ALDH1L1: variants seen among roughly 807,000 people sequenced by gnomAD.
ALDH1L1 encodes the protein aldehyde dehydrogenase 1 family member L1, also known as cytosolic 10-formyltetrahydrofolate dehydrogenase.
Under a neutral mutation model 101.1 loss-of-function variants are expected in ALDH1L1, and 68 were observed. That is an observed-to-expected ratio of 0.67 (90% CI 0.55 to 0.82). ALDH1L1 has a LOEUF of 0.82. ALDH1L1 is among the 40% of genes least tolerant of loss of function. ALDH1L1 has a pLI of 0.00. For synonymous variants in ALDH1L1, 486 were observed against 470.8 expected (o/e 1.03, Z -0.42); for missense variants, 1,087 against 1,172.7 (o/e 0.93, Z 1.07).
chr3:126,135,121 G>A (rs1216472373), intron 12 of ALDH1L1: 2 of 155,422 alleles, frequency 1.3e-5, no homozygotes, highest in African/African-American at 2.4e-5. Flanking sequence ...GCCTGGCTGA[G>A]CAAGCAGAGA....
chr3:126,185,775 T>C (rs1195772771), upstream of ALDH1L1, among the ~76,000 whole-genome samples: 1 of 152,218 alleles, frequency 6.6e-6, no homozygotes, highest in Non-Finnish European at 1.5e-5. Context: ...AGCATTCCAG[T>C]AACTGATATT....
intron 9 of ALDH1L1, among the ~76,000 whole-genome samples, chr3:126,142,341 C>A (rs2080585075): frequency 6.6e-6 from 1 of 152,186 alleles, no homozygotes; most frequent in East Asian, 1.9e-4. Context: ...TCAACTCTGT[C>A]CATAAGGCCA....
chr3:126,111,281 G>C (rs1028055268), intron 19 of ALDH1L1, among the ~76,000 whole-genome samples: 3 of 152,258 alleles, frequency 2.0e-5, no homozygotes, highest in African/African-American at 7.2e-5. Context: ...AATGTTTCGT[G>C]CATTTCAAGA....
chr3:126,190,455 G>A (rs967243533), intron 1 of ALDH1L1, among the ~76,000 whole-genome samples: 7 of 152,170 alleles, frequency 4.6e-5, no homozygotes, highest in African/African-American at 1.4e-4. Flanking sequence ...AGGACCAAGT[G>A]GCTATCCAGG....
chr3:126,168,099 T>C (rs1338540544), intron 1 of ALDH1L1, among the ~76,000 whole-genome samples: 1 of 152,146 alleles, frequency 6.6e-6, no homozygotes, highest in Non-Finnish European at 1.5e-5. Context: ...TGAAGAATAA[T>C]AAATTGTCTT....
chr3:126,166,591 T>C (rs1490093882), intron 1 of ALDH1L1, among the ~76,000 whole-genome samples: 1 of 152,158 alleles, frequency 6.6e-6, no homozygotes, highest in East Asian at 1.9e-4. Flanking sequence ...TTATAGAAAC[T>C]TAACAATGTC....
At chr3:126,151,386 G>A (rs527921249) in intron 7 of ALDH1L1, 1 of 152,316 alleles carries the variant, frequency 6.6e-6, no homozygotes, top group South Asian at 2.1e-4. Flanking sequence ...GTCCCAGGTA[G>A]AGCCTGCGTC....
Position 126,154,657 on chromosome 3 carries a change from G to GGT in ALDH1L1, c.631-16_631-15dup. Reference sequence around the variant, plus strand: ...GTCCCAGTTGATCTGTGGGGAGCAAGGTGTGTGTGCTCAGCTGGTCTCTCC... The same window carrying GGT: ...GTCCCAGTTGATCTGTGGGGAGCAAGGTGTGTGTGTGCTCAGCTGGTCTCTCC... On this transcript the variant is annotated splice_polypyrimidine_tract_variant and intron_variant, in intron 5 of 22. Coordinates refer to ENST00000393434, the MANE Select transcript of ALDH1L1 (RefSeq NM_012190.4). 6.2e-7 allele frequency: 1 copy of GGT among 1,613,190 alleles called. No individual in the cohort carries two copies. Among genetic ancestry groups the GGT allele is most frequent in the Non-Finnish European group, 8.5e-7 (1 of 1,179,306 alleles).
At chr3:126,177,622 G>A (rs949512898) in intron 1 of ALDH1L1, among the ~76,000 whole-genome samples, 19 of 152,168 alleles carry the variant, frequency 1.2e-4, no homozygotes, top group Non-Finnish European at 2.9e-5. Flanking sequence ...CTATGATACT[G>A]TAACACTGGA....
rs551282903 is a variant in ALDH1L1 at position 126,114,416 on chromosome 3, A to G, written c.2082+141T>C. The G allele has an allele frequency of 2.2e-5, 13 of 586,768 alleles. No homozygotes were observed. The African/African-American group carries it at 2.3e-4, about 10-fold the overall frequency. The allele number at this position is 586,768 out of a possible 1,614,324, so 36.3% of individuals were successfully genotyped here. A position where few individuals can be genotyped will look rare whatever the true frequency, so the allele number is the denominator to read the frequency against. The stretch of plus-strand genomic sequence containing the variant: ...TTCTTCCCTAAGCCTGCTGCCTGCC[A>G]CGCTATGCTTGTGATGACGCTATGG... On this transcript the variant is annotated intron_variant, in intron 18 of 22. Coordinates refer to ENST00000393434, the MANE Select transcript of ALDH1L1 (RefSeq NM_012190.4).
chr3:126,153,822 C>T (rs1223638336), intron 6 of ALDH1L1, among the ~76,000 whole-genome samples: 1 of 152,226 alleles, frequency 6.6e-6, no homozygotes, highest in African/African-American at 2.4e-5. Flanking sequence ...TGCCATAAGA[C>T]CCTTCTCCTT....
At chr3:126,146,325 ACAGGACCAGC>A (rs942335014) in intron 9 of ALDH1L1, among the ~76,000 whole-genome samples, 1 of 151,828 alleles carries the variant, frequency 6.6e-6, no homozygotes, top group African/African-American at 2.4e-5. Flanking sequence ...CACCACCACC[ACAGGACCAGC>A]CAGCCCCCAG....
Position 126,107,204 on chromosome 3 carries a change from T to C in ALDH1L1, c.2390A>G (p.His797Arg), listed in dbSNP as rs1426420272. The C allele has an allele frequency of 3.7e-6, 6 of 1,614,172 alleles. No homozygotes were observed. The South Asian group carries it at 5.5e-5, about 15-fold the overall frequency. ...GGACTCCTCCTTGGCTATGAACATGTGGTCTTCCACGTCTGTGAAAACAGT... is the reference window on the plus strand; with the variant it reads ...GGACTCCTCCTTGGCTATGAACATGCGGTCTTCCACGTCTGTGAAAACAGT... ...EPTVFTDVED[H>R]MFIAKEESFG... The change falls in exon 21 of 23, where the codon CAC becomes CGC. Residue 797 changes from histidine to arginine, a missense_variant. Around this residue, in one of 2 missense-constraint regions of ALDH1L1, gnomAD observed 442 missense variants for 535.7 expected, o/e 0.83. Coordinates refer to ENST00000393434, the MANE Select transcript of ALDH1L1 (RefSeq NM_012190.4).
intron 3 of ALDH1L1, 111 bp downstream of exon 3, chr3:126,158,294 C>T (rs980959095): frequency 7.4e-6 from 8 of 1,078,820 alleles, no homozygotes; most frequent in African/African-American, 3.2e-5. Flanking sequence ...GGCACCTGCA[C>T]GATGCCCACT....
In ALDH1L1 at chr3:126,130,231, C is replaced by T. The variant is rs1260091611; in HGVS notation, c.1686G>A (p.Glu562=). The part of the protein sequence containing the change: ...PNRNLTLTRK[E]PVGVCGIIIP... ...CCTGGGCAGGAACTCACCCAACAGG[C>T]TCCTTCCTGGTCAAGGTCAGGTTGC... Residue 562 remains glutamate (E), a synonymous_variant, in exon 14 of 23, where the codon GAG becomes GAA. Transcript: ENST00000393434. 5 of 1,608,828 alleles carry T rather than the reference C, an allele frequency of 3.1e-6. No homozygotes were observed. The African/African-American group carries it at 4.0e-5, about 13-fold the overall frequency.
At position 126,131,483 on chromosome 3, in the gene ALDH1L1, G is replaced by A. The variant is rs1463913208; in HGVS notation, c.1524C>T (p.Ala508=). 4.3e-6 allele frequency: 7 copies of A among 1,612,992 alleles called. No homozygotes were observed. The highest frequency in any genetic ancestry group is 5.9e-6 in the Non-Finnish European group (7 of 1,179,208). The change falls in exon 13 of 23, where the codon GCC becomes GCT. Residue 508 remains alanine (A), a synonymous_variant. Coordinates refer to ENST00000393434, the MANE Select transcript of ALDH1L1 (RefSeq NM_012190.4). Reference sequence around the variant, plus strand: ...GCGTGTAGACGGCACCCGCATCCAGGGCCTCAATGGTGGCCAGCTCCTCCT... The same window carrying A: ...GCGTGTAGACGGCACCCGCATCCAGAGCCTCAATGGTGGCCAGCTCCTCCT... ...QHQEELATIE[A]LDAGAVYTLA...
rs575445829 is a variant in ALDH1L1, at chr3:126,105,540, C to T, written c.2653+186G>A. 542 of 701,216 alleles carry T rather than the reference C, an allele frequency of 7.7e-4. 4 individuals carry two copies. In the African/African-American group the frequency reaches 8.4e-3, roughly 11 times the overall value. 43.4% of individuals were successfully genotyped at this position (701,216 alleles called of 1,614,324 possible). On this transcript the variant is annotated intron_variant, in intron 22 of 22. Coordinates refer to ENST00000393434, the MANE Select transcript of ALDH1L1 (RefSeq NM_012190.4). Reference sequence around the variant, plus strand: ...TTCTTGCCTTCTTCCCAGCACGACCCCCCTCTGCAAGCATCTTGCTCACGG... The same window carrying T: ...TTCTTGCCTTCTTCCCAGCACGACCTCCCTCTGCAAGCATCTTGCTCACGG...
intron 1 of ALDH1L1, among the ~76,000 whole-genome samples, chr3:126,165,389 T>G (rs1389750725): frequency 6.6e-6 from 1 of 152,218 alleles, no homozygotes; most frequent in Non-Finnish European, 1.5e-5. Context: ...TTTTCTTTTT[T>G]TGTTATGTCT....
At chr3:126,154,300 C>G (rs2080863410) in intron 6 of ALDH1L1, among the ~76,000 whole-genome samples, 1 of 152,188 alleles carries the variant, frequency 6.6e-6, no homozygotes, top group South Asian at 2.1e-4. Flanking sequence ...ACCACCAATA[C>G]AGCTGGGCCC....
Sources: gnomAD v4.1 joint callset for allele counts (sites outside exome capture counted in the v4.1 genomes callset) on GRCh38, gnomAD v4.1.1 for gene constraint, gnomAD v4.1.1 regional missense constraint, MANE v1.5 for transcripts, NCBI Gene and HGNC (gene_info 2026-07-23, HGNC 2026-07-21) for gene names.